The following GRK4 variants were observed in gnomAD, a reference collection of about 807,000 sequenced individuals.
The protein encoded by GRK4 is G protein-coupled receptor kinase 4, also known as G protein-coupled receptor kinase 2-like.
GRK4 carries 73 observed loss-of-function variants against 77.9 expected under a neutral mutation model. The ratio of observed to expected loss-of-function variants is 0.94; its 90% CI spans 0.78 to 1.14. The LOEUF (loss-of-function observed/expected upper bound fraction) is 1.14, where lower values mean the gene tolerates loss of function less well. Ranked by LOEUF, GRK4 falls within the 50% of genes most tolerant of loss-of-function variation. The pLI is 0.00. For synonymous variants in GRK4, 257 were observed against 254.4 expected, an observed-to-expected ratio of 1.01 and a Z score of -0.10; for missense variants, 729 against 700.2, an observed-to-expected ratio of 1.04 and a Z score of -0.46.
At chr4:2,980,827 A>T (rs1390035544) in intron 1 of GRK4, among the ~76,000 whole-genome samples, 1 of 152,172 alleles carries the variant, frequency 6.6e-6, no homozygotes. Context: ...GCTTGGGCCC[A>T]CTGGGCTCCT....
chr4:2,964,198 G>C, intron 1 of GRK4, 76 bp downstream of exon 1: 1 of 1,236,346 alleles, frequency 8.1e-7, no homozygotes, highest in East Asian at 2.5e-5. Flanking sequence ...CCCCCTGAAG[G>C]AACCCGACAT....
chr4:2,966,085 G>A (rs182809240), intron 1 of GRK4: 55 of 153,816 alleles, frequency 3.6e-4, no homozygotes, highest in Admixed American at 6.4e-4. Context: ...ACCAGATTCT[G>A]TCACAAAACC....
chr4:2,992,145 C>A, intron 3 of GRK4, 70 bp from the exon 4 acceptor site: 1 of 1,084,672 alleles, frequency 9.2e-7, no homozygotes, highest in Non-Finnish European at 1.4e-6. Flanking sequence ...TCCCAAGTGG[C>A]TGGAACTACA....
intron 8 of GRK4, 129 bp from the exon 9 acceptor site, chr4:3,019,512 A>G: frequency 1.2e-6 from 1 of 813,372 alleles, no homozygotes; most frequent in Non-Finnish European, 2.0e-6. Flanking sequence ...CATTTCTCTG[A>G]AACATATAGT....
At chr4:3,000,860 G>A (rs546374736) in intron 4 of GRK4, among the ~76,000 whole-genome samples, 1 of 152,014 alleles carries the variant, frequency 6.6e-6, no homozygotes, top group East Asian at 1.9e-4. Context: ...GAGCCACGGC[G>A]CCTGGCCCAA....
chr4:3,023,432 C>T (rs189536057), intron 10 of GRK4, among the ~76,000 whole-genome samples: 4 of 152,272 alleles, frequency 2.6e-5, no homozygotes, highest in South Asian at 2.1e-4. Flanking sequence ...TGGCTCCTGC[C>T]GAGAAGAGGA....
At chr4:3,026,036 G>GT (rs1415652308) in intron 10 of GRK4, among the ~76,000 whole-genome samples, 1 of 152,256 alleles carries the variant, frequency 6.6e-6, no homozygotes, top group African/African-American at 2.4e-5. Flanking sequence ...AGCCCTCGCT[G>GT]GTAAGCGTGT....
chr4:3,037,375 C>T lies in GRK4; in HGVS notation c.1409C>T (p.Pro470Leu), dbSNP rs373572552. Residue 470 changes from proline (P) to leucine (L), a missense_variant and splice_region_variant, in exon 14 of 16, where the codon CCT becomes CTT. Transcript: ENST00000398052. ...GCTGCCCCTGTTCTTGCTACACAGC[C>T]TCATGCCGTTTACTGTAAGGACGTC... The part of the protein sequence containing the change: ...NMLEPPFCPD[P>L]HAVYCKDVLD... 15 of 1,596,882 alleles carry T rather than the reference C, an allele frequency of 9.4e-6. No individual in the cohort carries two copies. Among genetic ancestry groups the T allele is most frequent in the African/African-American group, 1.3e-5 (1 of 74,636 alleles).
At chr4:2,986,515 C>G (rs1021458838) in intron 2 of GRK4, among the ~76,000 whole-genome samples, 5 of 151,546 alleles carry the variant, frequency 3.3e-5, no homozygotes, top group African/African-American at 1.2e-4. Flanking sequence ...ACCACCACGC[C>G]CGGCTAATTT....
rs76348233 is a variant in GRK4, at chr4:2,983,456, A to G, written c.53-1057A>G. Among the ~76,000 whole-genome samples the G allele has an allele frequency of 5.5e-3, 844 of 152,306 alleles. 4 individuals carry two copies. The highest frequency in any genetic ancestry group is 0.019 in the African/African-American group (798 of 41,560). On this transcript the variant is annotated intron_variant, in intron 1 of 15. Coordinates refer to ENST00000398052, the MANE Select transcript of GRK4 (RefSeq NM_182982.3). ...AGAAAAAATGGTGCTTGTTTAAAAG[A>G]TCTTTCTGAAGTATTATAGTGTAGC...
At position 2,968,466 on chromosome 4, in the gene GRK4, T is replaced by G. The variant is rs576008910; in HGVS notation, c.52+4344T>G. On this transcript the variant is annotated intron_variant, in intron 1 of 15. Transcript: ENST00000398052. Reference sequence around the variant, plus strand: ...AATAGGAAATTTATGGAGAAGATATTGGGTAGCTCAAAGAATCAAAGTAAG... The same window carrying G: ...AATAGGAAATTTATGGAGAAGATATGGGGTAGCTCAAAGAATCAAAGTAAG... 5.0e-4 allele frequency among the ~76,000 whole-genome samples: 76 copies of G among 152,156 alleles called. 1 individual carries two copies. The highest frequency in any genetic ancestry group is 1.6e-3 in the Admixed American group (24 of 15,262).
intron 9 of GRK4, 118 bp downstream of exon 9, chr4:3,019,949 C>T (rs541421364): frequency 7.4e-5 from 68 of 925,026 alleles, no homozygotes; most frequent in Admixed American, 4.7e-4. Flanking sequence ...GCTGGGAGGC[C>T]CTCGATGGTG....
At chr4:3,029,050 G>A in intron 11 of GRK4, 151 bp from the exon 12 acceptor site, 1 of 641,732 alleles carries the variant, frequency 1.6e-6, no homozygotes, top group Non-Finnish European at 2.7e-6. Flanking sequence ...GGGATTATAG[G>A]TGTGAGCCAC....
intron 1 of GRK4, among the ~76,000 whole-genome samples, chr4:2,975,535 A>G (rs1339435678): frequency 6.6e-6 from 1 of 152,130 alleles, no homozygotes; most frequent in African/African-American, 2.4e-5. Context: ...CGGGTGGGGA[A>G]CATTCCTTGA....
Position 3,009,700 on chromosome 4 carries a change from G to A in GRK4, c.589G>A (p.Gly197Arg), listed in dbSNP as rs770317093. The change falls in exon 7 of 16, where the codon GGA becomes AGA. Residue 197 changes from glycine to arginine, a missense_variant. Transcript: ENST00000398052. ...FRHYRVLGKG[G>R]FGEVCACQVR... ...ACATTACAGAGTTCTAGGAAAAGGC[G>A]GATTTGGAGAGGTGAGTAACGGGAG... The A allele has an allele frequency of 1.5e-5, 24 of 1,613,608 alleles. No homozygotes were observed. The highest frequency in any genetic ancestry group is 8.9e-5 in the East Asian group (4 of 44,890).
intron 2 of GRK4, among the ~76,000 whole-genome samples, chr4:2,985,228 G>A (rs934651732): frequency 2.0e-4 from 31 of 151,502 alleles, no homozygotes; most frequent in East Asian, 2.0e-4. Context: ...GTGAAACCCC[G>A]TCTCTACTAA....
rs1738040277 is a variant in GRK4 at position 3,027,941 on chromosome 4, G to A, written c.1000G>A (p.Ala334Thr). The change falls in exon 11 of 16, where the codon GCC (alanine) becomes ACC (threonine). Residue 334 changes from alanine (A) to threonine (T), a missense_variant. Ala to Thr is a moderately conservative substitution (Grantham distance 58). Transcript: ENST00000398052. ...CATCCGGATTTCAGACCTCGGTTTG[G>A]CCACAGAGATCCCAGAAGGACAGAG... is the stretch of plus-strand genomic sequence containing the variant. ...GHIRISDLGL[A>T]TEIPEGQRVR... 4 of 1,614,112 alleles carry A rather than the reference G, an allele frequency of 2.5e-6. No individual in the cohort carries two copies. The highest frequency in any genetic ancestry group is 3.4e-6 in the Non-Finnish European group (4 of 1,180,010).
At position 2,988,955 on chromosome 4, in the gene GRK4, C is replaced by T. The variant is rs138637112; in HGVS notation, c.261+116C>T. ...ATCCCAGCATTTTGGAAGGCTGAGG[C>T]GGGCGGATCATGAGGTCAGGAGATC... On this transcript the variant is annotated intron_variant, in intron 3 of 15. Coordinates refer to ENST00000398052, the MANE Select transcript of GRK4 (RefSeq NM_182982.3). 2.4e-3 allele frequency: 1,588 copies of T among 656,222 alleles called. 13 individuals carry two copies. The highest frequency in any genetic ancestry group is 0.017 in the African/African-American group (963 of 56,118). 40.6% of individuals were successfully genotyped at this position (656,222 alleles called of 1,614,324 possible).
Position 2,968,857 on chromosome 4 carries a change from T to C in GRK4, c.52+4735T>C, listed in dbSNP as rs151010060. Among the ~76,000 whole-genome samples, 572 of 152,216 alleles carry C rather than the reference T, an allele frequency of 3.8e-3. 2 individuals carry two copies. Among genetic ancestry groups the C allele is most frequent in the African/African-American group, 0.013 (556 of 41,516 alleles). ...AGAGCAGGTATCTTTTTATTTTATT[T>C]ATCTGATTTTGCCTCATGAATTTCA... On this transcript the variant is annotated intron_variant, in intron 1 of 15. Coordinates refer to ENST00000398052, the MANE Select transcript of GRK4 (RefSeq NM_182982.3).
Sources: gnomAD v4.1 joint callset for allele counts (sites outside exome capture counted in the v4.1 genomes callset) on GRCh38, gnomAD v4.1.1 for gene constraint, MANE v1.5 for transcripts, NCBI Gene and HGNC (gene_info 2026-07-23, HGNC 2026-07-21) for gene names.